The following MAGI2 variants were observed in gnomAD, a reference collection of about 807,000 sequenced individuals.
The protein encoded by MAGI2 is membrane-associated guanylate kinase, WW and PDZ domain-containing protein 2.
A neutral mutation model predicts 133.3 loss-of-function variants in MAGI2; 35 were observed. The observed-to-expected ratio is 0.26, with a 90% CI of 0.20 to 0.35. MAGI2 has a LOEUF of 0.35. Among genes scored for constraint, MAGI2 ranks in the 10% least tolerant of loss-of-function variants. The probability of loss-of-function intolerance (pLI) is 1.00; values close to 1 mark genes in which losing one functional copy is unlikely to be tolerated. For missense variants in MAGI2, 1,636 were observed against 1,863.4 expected (o/e 0.88, Z 2.25); for synonymous variants, 729 against 710.6 (o/e 1.03, Z -0.41).
At chr7:78,774,336 A>G (rs566211352) in intron 2 of MAGI2, among the ~76,000 whole-genome samples, 1 of 152,212 alleles carries the variant, frequency 6.6e-6, no homozygotes, top group South Asian at 2.1e-4. Flanking sequence ...CAACTAGCTC[A>G]AGTAAAGGAG....
chr7:78,773,195 A>T (rs1825725385), intron 2 of MAGI2, among the ~76,000 whole-genome samples: 1 of 152,254 alleles, frequency 6.6e-6, no homozygotes, highest in Admixed American at 6.5e-5. Flanking sequence ...TACAGACACA[A>T]CTTTCAGGCT....
intron 9 of MAGI2, among the ~76,000 whole-genome samples, chr7:78,309,338 C>A (rs1798499399): frequency 1.3e-5 from 2 of 152,138 alleles, no homozygotes; most frequent in Admixed American, 1.3e-4. Flanking sequence ...ACATATACAC[C>A]ATGGAATACT....
intron 1 of MAGI2, among the ~76,000 whole-genome samples, chr7:79,149,776 G>C (rs528809058): frequency 6.6e-6 from 1 of 152,020 alleles, no homozygotes; most frequent in Non-Finnish European, 1.5e-5. Context: ...AGGACACAAG[G>C]TTTCTTTTAA....
At chr7:78,125,868 A>G in intron 19 of MAGI2, 31 bp from the exon 20 acceptor site, 1 of 1,608,070 alleles carries the variant, frequency 6.2e-7, no homozygotes, top group South Asian at 1.1e-5. Context: ...TGGAATAAAT[A>G]ATTATTTAGT....
intron 9 of MAGI2, among the ~76,000 whole-genome samples, chr7:78,320,862 AT>A: frequency 6.6e-6 from 1 of 152,298 alleles, no homozygotes; most frequent in Non-Finnish European, 1.5e-5. Context: ...ATGATGGTAT[AT>A]TTAGAAAACC....
chr7:79,443,901 TA>T (rs1848661565), intron 1 of MAGI2, among the ~76,000 whole-genome samples: 1 of 152,212 alleles, frequency 6.6e-6, no homozygotes, highest in Non-Finnish European at 1.5e-5. Context: ...AGTCACTTAA[TA>T]AAATCCATGG....
chr7:78,652,412 C>G (rs1024614214), intron 2 of MAGI2, among the ~76,000 whole-genome samples: 4 of 152,106 alleles, frequency 2.6e-5, no homozygotes, highest in South Asian at 2.1e-4. Flanking sequence ...CAGCATGGTA[C>G]TGGTACCAAA....
chr7:78,856,600 C>G (rs1793654577), intron 2 of MAGI2, among the ~76,000 whole-genome samples: 1 of 152,088 alleles, frequency 6.6e-6, no homozygotes, highest in African/African-American at 2.4e-5. Flanking sequence ...TGTTCTGTTC[C>G]ATTGGTCTAT....
chr7:79,410,835 G>GT (rs1846094730), intron 1 of MAGI2: 1 of 151,990 alleles, frequency 6.6e-6, no homozygotes, highest in Non-Finnish European at 1.5e-5. Context: ...AATGGATATG[G>GT]TATTTACATA....
chr7:78,345,901 A>T (rs753744790), intron 8 of MAGI2, 21 bp downstream of exon 8: 1 of 1,610,478 alleles, frequency 6.2e-7, no homozygotes. Context: ...TTGAAACATC[A>T]CATGCTGACA....
At chr7:78,285,248 A>T (rs1192314137) in intron 9 of MAGI2, among the ~76,000 whole-genome samples, 1 of 152,220 alleles carries the variant, frequency 6.6e-6, no homozygotes, top group East Asian at 1.9e-4. Context: ...ATCCAAAAAA[A>T]ATCTTAATCC....
intron 1 of MAGI2, among the ~76,000 whole-genome samples, chr7:79,107,489 G>T (rs757570410): frequency 5.9e-5 from 9 of 152,174 alleles, no homozygotes; most frequent in Non-Finnish European, 1.0e-4. Context: ...CTAAGCAAAA[G>T]AATCAGTTGA....
At chr7:79,075,637 C>T (rs10232931) in intron 1 of MAGI2, among the ~76,000 whole-genome samples, 5,534 of 152,016 alleles carry the variant, frequency 0.036, 309 homozygotes, top group African/African-American at 0.12. Flanking sequence ...GTGGTGTGTG[C>T]CTGTAGTCCC....
chr7:79,006,466 A>T (rs1348594307), intron 2 of MAGI2, among the ~76,000 whole-genome samples: 1 of 152,194 alleles, frequency 6.6e-6, no homozygotes, highest in African/African-American at 2.4e-5. Flanking sequence ...GAGCTGTAAC[A>T]GACACTAAAA....
intron 1 of MAGI2, among the ~76,000 whole-genome samples, chr7:79,370,839 C>T (rs570129991): frequency 6.6e-6 from 1 of 151,998 alleles, no homozygotes; most frequent in Non-Finnish European, 1.5e-5. Context: ...AAACACGGCA[C>T]TCCCCTAAAA....
At chr7:78,703,601 C>T (rs1001192906) in intron 2 of MAGI2, among the ~76,000 whole-genome samples, 1 of 152,012 alleles carries the variant, frequency 6.6e-6, no homozygotes, top group Non-Finnish European at 1.5e-5. Flanking sequence ...CCAAAAAGCA[C>T]TTCCCTATAG....
At chr7:79,316,797 T>C (rs1838758125) in intron 1 of MAGI2, among the ~76,000 whole-genome samples, 1 of 152,128 alleles carries the variant, frequency 6.6e-6, no homozygotes, top group South Asian at 2.1e-4. Flanking sequence ...AAGTCCTTTA[T>C]ATCCACATTT....
In MAGI2 at chr7:78,201,204, GA is replaced by G. The variant is rs762034927; in HGVS notation, c.2048-12del. Reference sequence around the variant, plus strand: ...ATGGAGAAAAGAAACCTGTAATAAAGAAAACAATATTTGAACTTTGAAAATA... The same window carrying G: ...ATGGAGAAAAGAAACCTGTAATAAAGAAACAATATTTGAACTTTGAAAATA... On this transcript the variant is annotated splice_polypyrimidine_tract_variant and intron_variant, in intron 10 of 21. Coordinates refer to ENST00000354212, the MANE Select transcript of MAGI2 (RefSeq NM_012301.4). 7.0e-7 allele frequency: 1 copy of G among 1,434,954 alleles called. No homozygotes were observed. Among genetic ancestry groups the G allele is most frequent in the Non-Finnish European group, 9.3e-7 (1 of 1,077,468 alleles). 88.9% of individuals were successfully genotyped at this position (1,434,954 alleles called of 1,614,324 possible).
intron 20 of MAGI2, among the ~76,000 whole-genome samples, chr7:78,096,387 T>C (rs1310984976): frequency 6.6e-6 from 1 of 152,216 alleles, no homozygotes; most frequent in African/African-American, 2.4e-5. Context: ...GAGAAGATCA[T>C]AGGGCTATGC....
Sources: gnomAD v4.1 joint callset for allele counts (sites outside exome capture counted in the v4.1 genomes callset) on GRCh38, gnomAD v4.1.1 for gene constraint, MANE v1.5 for transcripts, NCBI Gene and HGNC (gene_info 2026-07-23, HGNC 2026-07-21) for gene names.